PRKN: variants seen among roughly 807,000 people sequenced by gnomAD.
PRKN encodes the protein parkin RBR E3 ubiquitin protein ligase.
PRKN carries 56 observed loss-of-function variants against 59.5 expected under a neutral mutation model. That is an observed-to-expected ratio of 0.94 (90% CI 0.76 to 1.18). PRKN has a LOEUF of 1.18. Ranked by LOEUF, PRKN falls within the 50% of genes most tolerant of loss-of-function variation. PRKN has a pLI of 0.00. For missense variants in PRKN, 657 were observed against 596.4 expected, an observed-to-expected ratio of 1.10 and a Z score of -1.06; for synonymous variants, 250 against 222.1, an observed-to-expected ratio of 1.13 and a Z score of -1.12.
chr6:162,124,789 G>A (rs1781055756), intron 4 of PRKN, among the ~76,000 whole-genome samples: 1 of 152,162 alleles, frequency 6.6e-6, no homozygotes, highest in Admixed American at 6.5e-5. Flanking sequence ...GGAGAGTTTT[G>A]AGAAGGAAAA....
intron 7 of PRKN, among the ~76,000 whole-genome samples, chr6:161,603,944 A>G (rs1020899573): frequency 1.3e-5 from 2 of 152,214 alleles, no homozygotes; most frequent in African/African-American, 4.8e-5. Context: ...TACCCGTATA[A>G]AACAGCCCCT....
At chr6:161,730,369 T>G (rs868098177) in intron 7 of PRKN, among the ~76,000 whole-genome samples, 1 of 149,970 alleles carries the variant, frequency 6.7e-6, no homozygotes, top group Non-Finnish European at 1.5e-5. Context: ...TGCATTCTGA[T>G]GTGTTGCATT....
At chr6:161,649,604 A>C (rs1011195218) in intron 7 of PRKN, among the ~76,000 whole-genome samples, 3 of 152,220 alleles carry the variant, frequency 2.0e-5, no homozygotes, top group African/African-American at 7.2e-5. Context: ...AGGACATAAG[A>C]GACTTTTGTG....
intron 10 of PRKN, among the ~76,000 whole-genome samples, chr6:161,370,608 A>AAAAAAAAAAAAAAAAAAC: frequency 6.6e-6 from 1 of 150,918 alleles, no homozygotes; most frequent in African/African-American, 2.4e-5. Context: ...AAAAAAAAAA[A>AAAAAAAAAAAAAAAAAAC]AAAGCCGAAT....
chr6:161,643,827 A>T (rs1449756894), intron 7 of PRKN, among the ~76,000 whole-genome samples: 3 of 152,236 alleles, frequency 2.0e-5, no homozygotes, highest in Non-Finnish European at 2.9e-5. Context: ...AGGCATAATA[A>T]TAACAACAAT....
chr6:162,053,535 T>C (rs1330035650), intron 5 of PRKN, among the ~76,000 whole-genome samples: 2 of 152,166 alleles, frequency 1.3e-5, no homozygotes, highest in Non-Finnish European at 2.9e-5. Context: ...ATGAAACATA[T>C]GGCATATATG....
At chr6:162,253,086 C>T (rs1465157544) in intron 3 of PRKN, among the ~76,000 whole-genome samples, 1 of 152,154 alleles carries the variant, frequency 6.6e-6, no homozygotes, top group East Asian at 1.9e-4. Flanking sequence ...CTACAGTAAC[C>T]TGGTAAATTA....
chr6:162,210,125 A>AATAAAATAAG (rs1785143913), intron 3 of PRKN, among the ~76,000 whole-genome samples: 1 of 151,980 alleles, frequency 6.6e-6, no homozygotes, highest in South Asian at 2.1e-4. Flanking sequence ...AATAAAATAA[A>AATAAAATAAG]ATAAAATAAA....
chr6:162,413,131 T>C (rs1296479472), intron 2 of PRKN, among the ~76,000 whole-genome samples: 1 of 152,180 alleles, frequency 6.6e-6, no homozygotes, highest in African/African-American at 2.4e-5. Flanking sequence ...ACCAGTCTGG[T>C]CTGAAGCCCA....
intron 9 of PRKN, among the ~76,000 whole-genome samples, chr6:161,452,475 T>C (rs1789780665): frequency 6.6e-6 from 1 of 152,214 alleles, no homozygotes; most frequent in Non-Finnish European, 1.5e-5. Context: ...GGCTGAGCTG[T>C]TTCACTAATT....
chr6:162,468,713 G>A (rs1027400567), intron 1 of PRKN, among the ~76,000 whole-genome samples: 4 of 152,202 alleles, frequency 2.6e-5, no homozygotes, highest in African/African-American at 9.7e-5. Context: ...GCCAAGTACT[G>A]AGCTTGAGGC....
intron 5 of PRKN, among the ~76,000 whole-genome samples, chr6:162,011,774 G>A (rs1402396885): frequency 4.0e-5 from 6 of 151,064 alleles, no homozygotes; most frequent in African/African-American, 1.5e-4. Flanking sequence ...AAAGTTCTGG[G>A]TATTCTAACC....
At chr6:162,148,790 G>T (rs1197733472) in intron 4 of PRKN, among the ~76,000 whole-genome samples, 1 of 152,162 alleles carries the variant, frequency 6.6e-6, no homozygotes, top group East Asian at 1.9e-4. Flanking sequence ...AAATTAGGAA[G>T]TTCTCAGATA....
chr6:161,634,618 G>A (rs990411054), intron 7 of PRKN, among the ~76,000 whole-genome samples: 1 of 152,144 alleles, frequency 6.6e-6, no homozygotes, highest in African/African-American at 2.4e-5. Context: ...ACCTGGACAC[G>A]AGGATGGAAG....
chr6:161,875,015 AT>A lies in PRKN; in HGVS notation c.735-89108del, dbSNP rs1562356916. Reference sequence around the variant, plus strand: ...TTATATATAATATATTATATATTATATATAAAGTATATAATATAATAAATTA... The same window carrying A: ...TTATATATAATATATTATATATTATAATAAAGTATATAATATAATAAATTA... On this transcript the variant is annotated intron_variant, in intron 6 of 11. Coordinates refer to ENST00000366898, the MANE Select transcript of PRKN (RefSeq NM_004562.3). 1.3e-4 allele frequency among the ~76,000 whole-genome samples: 13 copies of A among 99,552 alleles called. No homozygotes were observed. In the East Asian group the frequency reaches 3.3e-3, roughly 25 times the overall value. 65.3% of individuals were successfully genotyped at this position (99,552 alleles called of 152,430 possible).
At chr6:162,490,340 A>C (rs1353813994) in intron 1 of PRKN, among the ~76,000 whole-genome samples, 2 of 152,206 alleles carry the variant, frequency 1.3e-5, no homozygotes, top group East Asian at 3.8e-4. Flanking sequence ...AAAGCAACCA[A>C]CATTTAACTT....
At chr6:162,365,665 C>T (rs1466720136) in intron 2 of PRKN, among the ~76,000 whole-genome samples, 4 of 152,118 alleles carry the variant, frequency 2.6e-5, no homozygotes, top group East Asian at 1.9e-4. Flanking sequence ...TCTCATCACT[C>T]GCTCCAAGGT....
chr6:161,771,167 T>C (rs930629096), intron 7 of PRKN, among the ~76,000 whole-genome samples: 26 of 151,756 alleles, frequency 1.7e-4, no homozygotes, highest in Non-Finnish European at 3.1e-4. Context: ...CCATCCTGGC[T>C]AACACGGTGA....
At chr6:161,856,544 T>C (rs1273083043) in intron 6 of PRKN, among the ~76,000 whole-genome samples, 2 of 152,166 alleles carry the variant, frequency 1.3e-5, no homozygotes, top group Admixed American at 1.3e-4. Context: ...TACTGTTTTT[T>C]TAGTAGCACA....
Sources: gnomAD v4.1 joint callset for allele counts (sites outside exome capture counted in the v4.1 genomes callset) on GRCh38, gnomAD v4.1.1 for gene constraint, MANE v1.5 for transcripts, NCBI Gene and HGNC (gene_info 2026-07-23, HGNC 2026-07-21) for gene names.